Variants in CS observed in about 807,000 individuals in gnomAD.
CS encodes citrate synthase, mitochondrial.
A neutral mutation model predicts 61.4 loss-of-function variants in CS; 13 were observed. The ratio of observed to expected loss-of-function variants is 0.21; its 90% confidence interval spans 0.14 to 0.34. The LOEUF is 0.34. CS is among the 10% of genes least tolerant of loss of function. The pLI is 1.00. For synonymous variants in CS, 159 were observed against 215.2 expected (o/e 0.74, Z 2.29); for missense variants, 278 against 573.4 (o/e 0.48, Z 5.26).
chr12:56,292,922 G>C (rs1172607414), intron 1 of CS, among the ~76,000 whole-genome samples: 1 of 150,614 alleles, frequency 6.6e-6, no homozygotes, highest in African/African-American at 2.4e-5. Context: ...AGGCCTTGCT[G>C]AGTAAATTAA....
intron 3 of CS, among the ~76,000 whole-genome samples, chr12:56,284,277 C>G (rs1428051964): frequency 1.5e-5 from 2 of 136,166 alleles, no homozygotes; most frequent in Non-Finnish European, 3.1e-5. Flanking sequence ...CAAGATCACA[C>G]CATTGCACTT....
intron 4 of CS, 28 bp from the exon 5 acceptor site, chr12:56,283,019 C>T: frequency 6.2e-7 from 1 of 1,613,206 alleles, no homozygotes; most frequent in Non-Finnish European, 8.5e-7. Flanking sequence ...AGAATTACAA[C>T]TCAAGTTTAT....
chr12:56,277,069 GGGCC>G, intron 6 of CS, among the ~76,000 whole-genome samples: 4 of 150,312 alleles, frequency 2.7e-5, no homozygotes, highest in South Asian at 2.1e-4. Flanking sequence ...GGCGTGGTGT[GGGCC>G]GGCGCCTATA....
chr12:56,280,440 A>AAAAAAAAAAAAAAACCC (rs1555162652), intron 6 of CS, among the ~76,000 whole-genome samples: 1 of 119,848 alleles, frequency 8.3e-6, no homozygotes, highest in Non-Finnish European at 1.7e-5. Context: ...AAAAAAAACA[A>AAAAAAAAAAAAAAACCC]AAAAATTAGC....
intron 10 of CS, 48 bp from the exon 11 acceptor site, chr12:56,273,302 C>A: frequency 6.4e-7 from 1 of 1,573,574 alleles, no homozygotes; most frequent in East Asian, 2.2e-5. Context: ...GAGGCAGTGG[C>A]ATGTACAAGT....
chr12:56,282,948 A>G lies in CS; in HGVS notation c.311T>C (p.Leu104Pro). 1.9e-6 allele frequency: 3 copies of G among 1,614,148 alleles called. No individual in the cohort carries two copies. The highest frequency in any genetic ancestry group is 1.7e-5 in the Admixed American group (1 of 59,988). ...TTCCCCACCCTTAGCCTTGGGTAGC[A>G]GTTTCTGGCATTCAGGGATACTAAA... ...RGFSIPECQK[L>P]LPKAKGGEEP... Residue 104 changes from leucine to proline, a missense_variant, in exon 5 of 11, where the codon CTG (leucine) becomes CCG (proline). Leu to Pro is a moderately conservative substitution (Grantham distance 98, BLOSUM62 -3). Coordinates refer to ENST00000351328, the MANE Select transcript of CS (RefSeq NM_004077.3).
chr12:56,291,326 G>C lies in CS; in HGVS notation c.43-4681C>G, dbSNP rs530916297. The stretch of plus-strand genomic sequence containing the variant: ...TTCCAGCTGTGGAATACAAAATAAA[G>C]TCCCAATTTTCTTTCTTTCTTTCTT... On this transcript the variant is annotated intron_variant, in intron 1 of 10. Transcript: ENST00000351328. The C allele has an allele frequency of 2.0e-5, 19 of 947,772 alleles. No individual in the cohort carries two copies. The East Asian group carries it at 1.7e-3, about 87-fold the overall frequency. The allele number at this position is 947,772 out of a possible 1,614,324, so 58.7% of individuals were successfully genotyped here.
At position 56,273,607 on chromosome 12, in the gene CS, G is replaced by T; in HGVS notation, c.1210C>A (p.His404Asn). 1 of 1,613,990 alleles carries T rather than the reference G, an allele frequency of 6.2e-7. No homozygotes were observed. Among genetic ancestry groups the T allele is most frequent in the Non-Finnish European group, 8.5e-7 (1 of 1,179,880 alleles). The stretch of plus-strand genomic sequence containing the variant: ...CTTACCTGGAGCAGCACCCCACTGT[G>T]AGCATCTACATTGGGCCAAGGATTC... Reference protein sequence around the residue: ...AKNPWPNVDAHSGVLLQYYGM... With the variant: ...AKNPWPNVDANSGVLLQYYGM... The change falls in exon 10 of 11, where the codon CAC (histidine) becomes AAC (asparagine). Residue 404 changes from histidine to asparagine, a missense_variant. His to Asn is a moderately conservative substitution (Grantham distance 68, BLOSUM62 1). Coordinates refer to ENST00000351328, the MANE Select transcript of CS (RefSeq NM_004077.3).
chr12:56,276,720 T>A (rs1262629095), intron 6 of CS, among the ~76,000 whole-genome samples: 1 of 152,156 alleles, frequency 6.6e-6, no homozygotes, highest in Non-Finnish European at 1.5e-5. Context: ...TTTGTATTTT[T>A]AGTAGAGACG....
chr12:56,279,892 C>T (rs191712245), intron 6 of CS, among the ~76,000 whole-genome samples: 39 of 148,628 alleles, frequency 2.6e-4, no homozygotes, highest in Middle Eastern at 4.0e-3. Flanking sequence ...CGCTTGAACC[C>T]AGGAGGCAGA....
At chr12:56,276,221 A>G (rs767332342) in intron 6 of CS, 26 bp from the exon 7 acceptor site, 34 of 1,588,708 alleles carry the variant, frequency 2.1e-5, no homozygotes, top group East Asian at 6.7e-5. Context: ...CAAGATGGAG[A>G]AAAAAAAAGG....
chr12:56,299,918 CT>C, intron 1 of CS: 1 of 463,378 alleles, frequency 2.2e-6, no homozygotes, highest in Non-Finnish European at 3.8e-6. Context: ...CAGGGTCGGC[CT>C]CCTCACGCGT....
chr12:56,273,271 A>G lies in CS; in HGVS notation c.1231-17T>C, dbSNP rs765912834. 1.2e-6 allele frequency: 2 copies of G among 1,611,632 alleles called. No individual in the cohort carries two copies. Among genetic ancestry groups the G allele is most frequent in the Non-Finnish European group, 1.7e-6 (2 of 1,178,580 alleles). ...GCCATAATACTGTAAGGTAGAAGAG[A>G]AAAATATTTCATTTAAGGCAGAGGC... is the stretch of plus-strand genomic sequence containing the variant. On this transcript the variant is annotated splice_polypyrimidine_tract_variant and intron_variant, in intron 10 of 10. Transcript: ENST00000351328.
In CS at chr12:56,296,553, C is replaced by T. The variant is rs559411791; in HGVS notation, c.42+3607G>A. Among the ~76,000 whole-genome samples, 17 of 152,264 alleles carry T rather than the reference C, an allele frequency of 1.1e-4. 1 individual carries two copies. In the South Asian group the frequency reaches 3.5e-3, roughly 32 times the overall value. On this transcript the variant is annotated intron_variant, in intron 1 of 10. Transcript: ENST00000351328. The stretch of plus-strand genomic sequence containing the variant: ...ATCTATTGCTACAGTTGCCTCATTA[C>T]GGTTTTAAATTTCACATCCTACTCT...
intron 1 of CS, among the ~76,000 whole-genome samples, chr12:56,288,490 C>T (rs1592411717): frequency 6.6e-6 from 1 of 151,876 alleles, no homozygotes; most frequent in African/African-American, 2.4e-5. Context: ...CACACGCCAC[C>T]ATGCTTGGCT....
At chr12:56,288,412 C>T (rs1222345664) in intron 1 of CS, among the ~76,000 whole-genome samples, 1 of 137,922 alleles carries the variant, frequency 7.3e-6, no homozygotes, top group Non-Finnish European at 1.5e-5. Context: ...AGTGCAGTGG[C>T]GTGATCTCTG....
In CS at chr12:56,273,709, T is replaced by C. The variant is rs149476836; in HGVS notation, c.1108A>G (p.Asn370Asp). 1,220 of 1,614,100 alleles carry C rather than the reference T, an allele frequency of 7.6e-4. 1 individual carries two copies. The highest frequency in any genetic ancestry group is 1.0e-3 in the Non-Finnish European group (1,183 of 1,180,046). Residue 370 changes from asparagine (N) to aspartate (D), a missense_variant, in exon 10 of 11, where the codon AAT becomes GAT. Physicochemically the swap from Asn to Asp is conservative, Grantham distance 23. Around this residue, in one of 2 missense-constraint regions of CS, gnomAD observed 223 missense variants for 503.5 expected, o/e 0.44. Transcript: ENST00000351328. ...QREFALKHLP[N>D]DPMFKLVAQL... Reference sequence around the variant, plus strand: ...GCAACCAACTTAAACATGGGGTCATTAGGCAGGTGTTTCAGAGCAAACTCT... The same window carrying C: ...GCAACCAACTTAAACATGGGGTCATCAGGCAGGTGTTTCAGAGCAAACTCT...
At chr12:56,282,782 C>G in intron 5 of CS, 78 bp downstream of exon 5, 1 of 1,594,386 alleles carries the variant, frequency 6.3e-7, no homozygotes, top group Non-Finnish European at 8.6e-7. Context: ...AATGCCGGAT[C>G]AGCATTAAGT....
At position 56,287,509 on chromosome 12, in the gene CS, AAGAG is replaced by A. The variant is rs1565622362; in HGVS notation, c.43-868_43-865del. ...AAAAAAAAAAAAAAAAAAAAAAAAAAAGAGAGAGAGAGAAAATAGTTTAGCTAGT... is the reference window on the plus strand; with the variant it reads ...AAAAAAAAAAAAAAAAAAAAAAAAAAAGAGAGAGAAAATAGTTTAGCTAGT... On this transcript the variant is annotated intron_variant, in intron 1 of 10. Transcript: ENST00000351328. Among the ~76,000 whole-genome samples the A allele has an allele frequency of 6.3e-4, 92 of 145,500 alleles. 1 individual carries two copies. The highest frequency in any genetic ancestry group is 1.1e-3 in the Non-Finnish European group (72 of 66,432).
Sources: gnomAD v4.1 joint callset for allele counts (sites outside exome capture counted in the v4.1 genomes callset) on GRCh38, gnomAD v4.1.1 for gene constraint, gnomAD v4.1.1 regional missense constraint, MANE v1.5 for transcripts, NCBI Gene and HGNC (gene_info 2026-07-23, HGNC 2026-07-21) for gene names.